TLN2: variants seen among roughly 807,000 people sequenced by gnomAD.
TLN2 encodes talin-2.
A neutral mutation model predicts 294.7 loss-of-function variants in TLN2; 118 were observed. The ratio of observed to expected loss-of-function variants is 0.40; its 90% CI spans 0.34 to 0.47. The LOEUF (loss-of-function observed/expected upper bound fraction) is 0.47. Ranked by LOEUF, TLN2 falls within the 20% of genes least tolerant of loss-of-function variation. The pLI, the probability that TLN2 is intolerant of heterozygous loss-of-function variation, is 0.84. For missense variants in TLN2, 3,083 were observed against 3,282.2 expected (o/e 0.94, Z 1.48); for synonymous variants, 1,431 against 1,304.5 (o/e 1.10, Z -2.09).
At chr15:62,760,835 C>T (rs373874101) in intron 37 of TLN2, among the ~76,000 whole-genome samples, 53 of 152,178 alleles carry the variant, frequency 3.5e-4, no homozygotes, top group East Asian at 9.6e-4. Context: ...ATAAGATACA[C>T]ACAGAGAAAA....
At chr15:62,487,836 G>A (rs2038489012) in intron 1 of TLN2, among the ~76,000 whole-genome samples, 1 of 152,148 alleles carries the variant, frequency 6.6e-6, no homozygotes, top group Non-Finnish European at 1.5e-5. Flanking sequence ...CTGGGAGGCG[G>A]AGGTTGCAGT....
At chr15:62,430,949 C>T (rs201612611) in intron 1 of TLN2, among the ~76,000 whole-genome samples, 1 of 105,222 alleles carries the variant, frequency 9.5e-6, no homozygotes, top group South Asian at 3.5e-4. Context: ...AAAAAAAATA[C>T]ACAAAAACAC....
chr15:62,746,239 A>G (rs1009019337), intron 32 of TLN2, among the ~76,000 whole-genome samples: 20 of 152,224 alleles, frequency 1.3e-4, no homozygotes, highest in African/African-American at 4.8e-4. Flanking sequence ...AATAGCACAT[A>G]TGTTGATATA....
intron 5 of TLN2, 117 bp downstream of exon 5, chr15:62,650,298 A>C (rs1371533789): frequency 4.0e-6 from 4 of 1,010,786 alleles, no homozygotes; most frequent in Admixed American, 2.4e-5. Flanking sequence ...AGTTCGATGC[A>C]TTGTACTTTG....
chr15:62,431,011 G>A (rs1305073830), intron 1 of TLN2, among the ~76,000 whole-genome samples: 1 of 152,052 alleles, frequency 6.6e-6, no homozygotes, highest in Non-Finnish European at 1.5e-5. Context: ...GCACAAGGGA[G>A]GATCTGAGAG....
chr15:62,457,649 C>T (rs1345051225), intron 1 of TLN2, among the ~76,000 whole-genome samples: 2 of 152,084 alleles, frequency 1.3e-5, no homozygotes, highest in South Asian at 2.1e-4. Flanking sequence ...TGGTTTGTGT[C>T]GGGGTTTTCC....
intron 1 of TLN2, among the ~76,000 whole-genome samples, chr15:62,525,525 G>A (rs944218682): frequency 5.9e-5 from 9 of 152,206 alleles, no homozygotes; most frequent in African/African-American, 2.2e-4. Context: ...AATGTGTGAG[G>A]TTAGTACAAT....
At chr15:62,425,836 T>C (rs750007589) in intron 1 of TLN2, among the ~76,000 whole-genome samples, 13 of 152,228 alleles carry the variant, frequency 8.5e-5, no homozygotes, top group Admixed American at 5.2e-4. Context: ...GCTCAGTTAA[T>C]TTACCATCAT....
intron 1 of TLN2, among the ~76,000 whole-genome samples, chr15:62,457,544 G>T (rs1358333544): frequency 1.3e-5 from 2 of 152,220 alleles, no homozygotes; most frequent in Non-Finnish European, 2.9e-5. Flanking sequence ...TTGGGGGTCA[G>T]ACCTCCAGTG....
chr15:62,571,457 G>A (rs557740454), intron 1 of TLN2, among the ~76,000 whole-genome samples: 5 of 152,254 alleles, frequency 3.3e-5, no homozygotes, highest in East Asian at 1.9e-4. Flanking sequence ...GGAACTGTCC[G>A]TCTACCCTTA....
chr15:62,592,772 G>A (rs1006236327), intron 2 of TLN2, among the ~76,000 whole-genome samples: 1 of 152,164 alleles, frequency 6.6e-6, no homozygotes, highest in Non-Finnish European at 1.5e-5. Context: ...AATTTGAGAC[G>A]GCCACGCTTT....
At chr15:62,801,671 T>A (rs2065936978) in intron 50 of TLN2, among the ~76,000 whole-genome samples, 1 of 152,230 alleles carries the variant, frequency 6.6e-6, no homozygotes, top group Non-Finnish European at 1.5e-5. Flanking sequence ...TGCGCTCAGT[T>A]CATGCTTTAA....
At chr15:62,765,782 T>G (rs1380659380) in intron 40 of TLN2, among the ~76,000 whole-genome samples, 1 of 152,238 alleles carries the variant, frequency 6.6e-6, no homozygotes, top group East Asian at 1.9e-4. Context: ...GTTTAATATT[T>G]GCATGCACAC....
intron 32 of TLN2, among the ~76,000 whole-genome samples, chr15:62,748,143 GA>G (rs1461015687): frequency 6.6e-6 from 1 of 152,110 alleles, no homozygotes; most frequent in Non-Finnish European, 1.5e-5. Context: ...TCTAGCAAAT[GA>G]ATAATCAGAG....
chr15:62,740,691 A>G lies in TLN2; in HGVS notation c.3947A>G (p.Lys1316Arg). The change falls in exon 32 of 59, where the codon AAG becomes AGG. Residue 1316 changes from lysine (K) to arginine (R), a missense_variant. Transcript: ENST00000636159. ...NLKNISMASS[K>R]LLLAAKSLSV... is the part of the protein sequence containing the mutation. ...AAGAATATCTCGATGGCATCCAGCA[A>G]GCTGCTGTTAGCTGCCAAGTCTCTC... 6.2e-7 allele frequency: 1 copy of G among 1,614,258 alleles called. No homozygotes were observed. The highest frequency in any genetic ancestry group is 1.1e-5 in the South Asian group (1 of 91,084).
chr15:62,702,193 C>G lies in TLN2; in HGVS notation c.1898C>G (p.Ser633Cys). ...TTGCTGAAAGCTGTGCAGCCTACTTCTGGAGAGGTAAGCTCCAGAGGCAAG... is the reference window on the plus strand; with the variant it reads ...TTGCTGAAAGCTGTGCAGCCTACTTGTGGAGAGGTAAGCTCCAGAGGCAAG... ...SDLLKAVQPT[S>C]GEPRQTVLTA... Residue 633 changes from serine (S) to cysteine (C), a missense_variant, in exon 18 of 59, where the codon TCT becomes TGT. Coordinates refer to ENST00000636159, the MANE Select transcript of TLN2 (RefSeq NM_015059.3). 1.3e-6 allele frequency: 2 copies of G among 1,594,384 alleles called. No individual in the cohort carries two copies. The highest frequency in any genetic ancestry group is 1.7e-6 in the Non-Finnish European group (2 of 1,169,342).
intron 55 of TLN2, chr15:62,834,977 T>C (rs930036373): frequency 6.6e-6 from 1 of 152,180 alleles, no homozygotes; most frequent in Admixed American, 6.5e-5. Context: ...AACTATAGTA[T>C]TATAGGCAGG....
chr15:62,788,845 G>T (rs1317519372), intron 45 of TLN2, among the ~76,000 whole-genome samples: 1 of 152,224 alleles, frequency 6.6e-6, no homozygotes, highest in African/African-American at 2.4e-5. Flanking sequence ...TTTTCCACAT[G>T]TACCTGTTCA....
At chr15:62,667,183 GTC>G (rs2054796617) in intron 9 of TLN2, among the ~76,000 whole-genome samples, 1 of 152,214 alleles carries the variant, frequency 6.6e-6, no homozygotes, top group South Asian at 2.1e-4. Flanking sequence ...AGCCAGGATG[GTC>G]TCGATCTCCT....
Sources: allele counts gnomAD v4.1 joint callset (sites outside exome capture counted in the v4.1 genomes callset), GRCh38; gene constraint gnomAD v4.1.1; transcripts MANE v1.5; gene names NCBI Gene and HGNC (gene_info 2026-07-23, HGNC 2026-07-21).